The following LRRC4C variants were observed in gnomAD, a reference collection of about 807,000 sequenced individuals.
The protein encoded by LRRC4C is leucine rich repeat containing 4C, also known as leucine-rich repeat-containing protein 4C.
A neutral mutation model predicts 33.6 loss-of-function variants in LRRC4C; 5 were observed. That is an observed-to-expected ratio of 0.15 (90% CI 0.08 to 0.31). The LOEUF (loss-of-function observed/expected upper bound fraction) is 0.31, where lower values mean the gene tolerates loss of function less well. Ranked by LOEUF, LRRC4C falls within the 10% of genes least tolerant of loss-of-function variation. The probability of loss-of-function intolerance (pLI) is 1.00; values close to 1 mark genes in which losing one functional copy is unlikely to be tolerated. For synonymous variants in LRRC4C, 329 were observed against 302.0 expected (o/e 1.09, Z -0.93); for missense variants, 560 against 796.7 (o/e 0.70, Z 3.58).
intron 1 of LRRC4C, among the ~76,000 whole-genome samples, chr11:41,153,752 G>T (rs566071527): frequency 6.6e-6 from 1 of 152,206 alleles, no homozygotes; most frequent in African/African-American, 2.4e-5. Context: ...ATTAAATTAT[G>T]GCTACTAGAA....
intron 1 of LRRC4C, among the ~76,000 whole-genome samples, chr11:41,099,968 C>T (rs1480177360): frequency 6.6e-6 from 1 of 152,130 alleles, no homozygotes; most frequent in East Asian, 1.9e-4. Flanking sequence ...GCTTCTTCAG[C>T]TGATAAACAA....
intron 2 of LRRC4C, among the ~76,000 whole-genome samples, chr11:40,733,073 T>G (rs1015248409): frequency 2.4e-5 from 3 of 122,604 alleles, no homozygotes; most frequent in Admixed American, 1.7e-4. Flanking sequence ...TTTTTTTTTT[T>G]TTTTTTTTTT....
At chr11:40,885,381 ACACCAGGC>A (rs1048371021) in intron 2 of LRRC4C, among the ~76,000 whole-genome samples, 1 of 152,092 alleles carries the variant, frequency 6.6e-6, no homozygotes, top group African/African-American at 2.4e-5. Flanking sequence ...TGTTACACAG[ACACCAGGC>A]CACACCCACT....
intron 4 of LRRC4C, among the ~76,000 whole-genome samples, chr11:40,260,510 T>A (rs945565407): frequency 1.3e-4 from 19 of 150,482 alleles, no homozygotes; most frequent in Non-Finnish European, 1.9e-4. Flanking sequence ...CATATGTAAC[T>A]AACCTGCACA....
chr11:41,185,823 G>T (rs919681332), intron 1 of LRRC4C, among the ~76,000 whole-genome samples: 4 of 151,512 alleles, frequency 2.6e-5, no homozygotes, highest in Non-Finnish European at 5.9e-5. Flanking sequence ...AAGACCAACA[G>T]ATTTGAATAC....
intron 5 of LRRC4C, among the ~76,000 whole-genome samples, chr11:40,160,633 C>A (rs2135342216): frequency 6.6e-6 from 1 of 152,262 alleles, no homozygotes; most frequent in African/African-American, 2.4e-5. Context: ...AATATGCCAT[C>A]ACTCTCATCA....
intron 2 of LRRC4C, among the ~76,000 whole-genome samples, chr11:40,874,485 T>A (rs1193511196): frequency 2.0e-5 from 3 of 152,176 alleles, no homozygotes; most frequent in Non-Finnish European, 4.4e-5. Context: ...TGAATAAAGC[T>A]TGGGAATTAT....
intron 2 of LRRC4C, among the ~76,000 whole-genome samples, chr11:40,697,312 T>C (rs762649475): frequency 3.3e-5 from 5 of 152,076 alleles, no homozygotes; most frequent in Non-Finnish European, 5.9e-5. Flanking sequence ...TTGAACTGGA[T>C]CTTAGGGAGT....
At chr11:41,072,691 C>A (rs185299263) in intron 1 of LRRC4C, among the ~76,000 whole-genome samples, 2 of 152,050 alleles carry the variant, frequency 1.3e-5, no homozygotes, top group African/African-American at 4.8e-5. Flanking sequence ...ATATGAGAAA[C>A]GACTAATACA....
At chr11:41,266,797 C>T (rs1408864991) in intron 1 of LRRC4C, among the ~76,000 whole-genome samples, 2 of 152,052 alleles carry the variant, frequency 1.3e-5, no homozygotes, top group Admixed American at 1.3e-4. Context: ...AGCAAGTCTC[C>T]CTTCTCTTGT....
intron 3 of LRRC4C, among the ~76,000 whole-genome samples, chr11:40,320,008 C>G (rs1945762782): frequency 6.6e-6 from 1 of 151,836 alleles, no homozygotes; most frequent in Admixed American, 6.6e-5. Context: ...ATTTATTAGT[C>G]TTTCATTTCT....
At chr11:40,474,111 T>C (rs1953082998) in intron 3 of LRRC4C, among the ~76,000 whole-genome samples, 1 of 152,084 alleles carries the variant, frequency 6.6e-6, no homozygotes, top group African/African-American at 2.4e-5. Context: ...TACTTTAAAT[T>C]TCATACAAAA....
chr11:40,809,616 T>C (rs558879397), intron 2 of LRRC4C, among the ~76,000 whole-genome samples: 12 of 152,280 alleles, frequency 7.9e-5, no homozygotes, highest in Non-Finnish European at 1.6e-4. Context: ...AAAAATAGCC[T>C]CATAAGGAAA....
chr11:40,494,215 T>C (rs1010654915), intron 3 of LRRC4C, among the ~76,000 whole-genome samples: 1 of 152,148 alleles, frequency 6.6e-6, no homozygotes, highest in Non-Finnish European at 1.5e-5. Flanking sequence ...TCTCTAAGCA[T>C]TGCAAAATTA....
At chr11:41,335,309 G>A (rs1445848311) in intron 1 of LRRC4C, among the ~76,000 whole-genome samples, 2 of 152,186 alleles carry the variant, frequency 1.3e-5, no homozygotes, top group African/African-American at 4.8e-5. Context: ...AGTAGTAAAT[G>A]TGTGGAGGGT....
Position 40,467,264 on chromosome 11 carries a change from T to G in LRRC4C, c.-269-147543A>C, listed in dbSNP as rs76585211. ...TTCTTTTCTCTGTTTAAAAATTTCT[T>G]CCTTCTACTCATTCTTTAGCATTTT... On this transcript the variant is annotated intron_variant, in intron 3 of 6. Transcript: ENST00000528697. Among the ~76,000 whole-genome samples the G allele has an allele frequency of 3.2e-3, 482 of 152,274 alleles. 3 individuals are homozygous for G. Among genetic ancestry groups the G allele is most frequent in the African/African-American group, 0.011 (465 of 41,550 alleles).
chr11:40,459,307 T>A (rs76897515), intron 3 of LRRC4C, among the ~76,000 whole-genome samples: 6,203 of 152,270 alleles, frequency 0.041, 411 homozygotes, highest in African/African-American at 0.14. Flanking sequence ...TTGAAAGATC[T>A]ACCACTTTCA....
At chr11:40,796,929 A>G (rs1950856871) in intron 2 of LRRC4C, among the ~76,000 whole-genome samples, 1 of 152,138 alleles carries the variant, frequency 6.6e-6, no homozygotes, top group African/African-American at 2.4e-5. Flanking sequence ...TACAGGCATG[A>G]GCCACCACGC....
At position 41,082,427 on chromosome 11, in the gene LRRC4C, C is replaced by CTTTT. The variant is rs537908452; in HGVS notation, c.-495-148708_-495-148705dup. On this transcript the variant is annotated intron_variant, in intron 1 of 6. Coordinates refer to ENST00000528697, the MANE Select transcript of LRRC4C (RefSeq NM_001258419.2). The stretch of plus-strand genomic sequence containing the variant: ...TCTACCACCCCACTCAAATCTCACG[C>CTTTT]TTTTTTTTTTTTTTTTTTTTTCTGG... Among the ~76,000 whole-genome samples the CTTTT allele has an allele frequency of 1.5e-4, 17 of 114,932 alleles. No homozygotes were observed. The East Asian group carries it at 2.6e-3, about 18-fold the overall frequency. The allele number at this position is 114,932 out of a possible 152,430, so 75.4% of individuals were successfully genotyped here.
Sources: gnomAD v4.1 joint callset for allele counts (sites outside exome capture counted in the v4.1 genomes callset) on GRCh38, gnomAD v4.1.1 for gene constraint, MANE v1.5 for transcripts, NCBI Gene and HGNC (gene_info 2026-07-23, HGNC 2026-07-21) for gene names.